SPTBN1: variants seen among roughly 807,000 people sequenced by gnomAD.
SPTBN1 encodes spectrin beta, non-erythrocytic 1, also known as spectrin beta chain, non-erythrocytic 1.
Under a neutral mutation model 266.4 loss-of-function variants are expected in SPTBN1, and 32 were observed. The ratio of observed to expected loss-of-function variants is 0.12; its 90% confidence interval spans 0.09 to 0.16. The LOEUF is 0.16. Among genes scored for constraint, SPTBN1 ranks in the 10% least tolerant of loss-of-function variants. The pLI is 1.00. For synonymous variants in SPTBN1, 1,336 were observed against 1,162.2 expected (o/e 1.15, Z -3.04); for missense variants, 2,296 against 3,067.1 (o/e 0.75, Z 5.94).
At chr2:54,501,722 G>T (rs72804692) in intron 1 of SPTBN1, among the ~76,000 whole-genome samples, 4,377 of 152,238 alleles carry the variant, frequency 0.029, 93 homozygotes, top group Non-Finnish European at 0.046. Flanking sequence ...ATGGGAGGTG[G>T]TACCTGGATG....
At chr2:54,647,669 A>C (rs918105894) in intron 24 of SPTBN1, among the ~76,000 whole-genome samples, 6 of 152,100 alleles carry the variant, frequency 3.9e-5, no homozygotes, top group Non-Finnish European at 8.8e-5. Context: ...GCGAAACCTC[A>C]TCTCTACAAA....
At chr2:54,518,545 C>CA (rs1670249787) in intron 1 of SPTBN1, among the ~76,000 whole-genome samples, 1 of 151,748 alleles carries the variant, frequency 6.6e-6, no homozygotes, top group African/African-American at 2.4e-5. Context: ...TTCTCAGACA[C>CA]ACGATTTGCA....
intron 17 of SPTBN1, among the ~76,000 whole-genome samples, chr2:54,636,372 G>T (rs1017268611): frequency 6.6e-6 from 1 of 152,072 alleles, no homozygotes; most frequent in Non-Finnish European, 1.5e-5. Context: ...AATTATATAT[G>T]ATGTTATAAC....
At chr2:54,632,032 G>A (rs1456776800) in intron 16 of SPTBN1, among the ~76,000 whole-genome samples, 2 of 149,384 alleles carry the variant, frequency 1.3e-5, no homozygotes, top group African/African-American at 5.0e-5. Flanking sequence ...AGCCGTGATC[G>A]TGCCACTGCA....
intron 2 of SPTBN1, chr2:54,528,411 T>C (rs1207227524): frequency 1.3e-5 from 2 of 152,666 alleles, no homozygotes; most frequent in Admixed American, 1.3e-4. Flanking sequence ...TCATTTGTCT[T>C]AACCTTTCTA....
chr2:54,608,698 G>A (rs555119060), intron 3 of SPTBN1, among the ~76,000 whole-genome samples: 20 of 151,328 alleles, frequency 1.3e-4, no homozygotes, highest in South Asian at 2.1e-4. Flanking sequence ...GTGCATGCGC[G>A]CACGAGTGCG....
chr2:54,529,181 TG>T (rs1671037722), intron 2 of SPTBN1, among the ~76,000 whole-genome samples: 2 of 152,178 alleles, frequency 1.3e-5, no homozygotes, highest in Non-Finnish European at 2.9e-5. Flanking sequence ...TGCCCTGGCT[TG>T]GGGATCACAT....
intron 16 of SPTBN1, 26 bp downstream of exon 16, chr2:54,631,637 C>A: frequency 6.3e-7 from 1 of 1,591,494 alleles, no homozygotes; most frequent in Non-Finnish European, 8.6e-7. Flanking sequence ...GCCTTTGCTT[C>A]CTTTCGGTGA....
chr2:54,615,797 A>G (rs1231690282), intron 4 of SPTBN1, among the ~76,000 whole-genome samples: 2 of 152,242 alleles, frequency 1.3e-5, no homozygotes, highest in Admixed American at 1.3e-4. Flanking sequence ...AATGGTGCAC[A>G]CAGTGCCCTC....
Position 54,626,025 on chromosome 2 carries a change from C to G in SPTBN1, c.1435C>G (p.Gln479Glu). 6.2e-7 allele frequency: 1 copy of G among 1,614,172 alleles called. No homozygotes were observed. Among genetic ancestry groups the G allele is most frequent in the Non-Finnish European group, 8.5e-7 (1 of 1,180,034 alleles). Residue 479 changes from glutamine to glutamate, a missense_variant, in exon 12 of 36, where the codon CAG becomes GAG. By Grantham distance (29) the Gln-to-Glu change is conservative. Transcript: ENST00000356805. This position sits in a 1 kb window ranked among gnomAD's most constrained non-coding sequence, Gnocchi z 4.7. ...CATTGCCGCATACGAGGAGCGTGTG[C>G]AGGCTGTGGTAGCCGTGGCCAGGGA... ...TDIAAYEERV[Q>E]AVVAVARELE...
chr2:54,557,021 A>T (rs1416778718), intron 2 of SPTBN1, among the ~76,000 whole-genome samples: 1 of 152,198 alleles, frequency 6.6e-6, no homozygotes, highest in Non-Finnish European at 1.5e-5. Flanking sequence ...TAGGGGCTTT[A>T]AAAAATGTTC....
At chr2:54,591,536 T>A (rs1468806424) in intron 2 of SPTBN1, among the ~76,000 whole-genome samples, 1 of 152,202 alleles carries the variant, frequency 6.6e-6, no homozygotes. Flanking sequence ...AAAGAAAGAT[T>A]CCTTCTCTTA....
chr2:54,579,951 A>G (rs4440005), intron 2 of SPTBN1, among the ~76,000 whole-genome samples: 5,926 of 152,334 alleles, frequency 0.039, 153 homozygotes, highest in Admixed American at 0.087. Flanking sequence ...TTCTGAGGGT[A>G]AAAGCTGCTG....
intron 2 of SPTBN1, 117 bp from the exon 3 acceptor site, chr2:54,598,975 C>T: frequency 8.9e-7 from 1 of 1,119,368 alleles, no homozygotes; most frequent in South Asian, 1.5e-5. Context: ...GTAGAGGTGT[C>T]CTTGGAGGTC....
chr2:54,563,744 C>T (rs924564168), intron 2 of SPTBN1, among the ~76,000 whole-genome samples: 1 of 151,760 alleles, frequency 6.6e-6, no homozygotes, highest in African/African-American at 2.4e-5. Flanking sequence ...GCTGGGATTA[C>T]AGCCACCTGC....
At chr2:54,479,552 C>T (rs191453972) in intron 1 of SPTBN1, among the ~76,000 whole-genome samples, 183 of 152,180 alleles carry the variant, frequency 1.2e-3, no homozygotes, top group African/African-American at 4.3e-3. Flanking sequence ...AATAGTTGTA[C>T]CAGTACAGCA....
intron 2 of SPTBN1, among the ~76,000 whole-genome samples, chr2:54,583,284 G>A (rs1328100906): frequency 2.0e-5 from 3 of 152,108 alleles, no homozygotes; most frequent in African/African-American, 7.2e-5. Context: ...TGTTAATAAG[G>A]CTGGTGTCAG....
At chr2:54,503,905 A>G (rs1424816457) in intron 1 of SPTBN1, among the ~76,000 whole-genome samples, 3 of 152,200 alleles carry the variant, frequency 2.0e-5, no homozygotes, top group Admixed American at 6.5e-5. Context: ...ATTTCCAGGA[A>G]CTGCATTAAA....
intron 1 of SPTBN1, among the ~76,000 whole-genome samples, chr2:54,476,184 T>A (rs1667820097): frequency 6.6e-6 from 1 of 152,118 alleles, no homozygotes; most frequent in African/African-American, 2.4e-5. Flanking sequence ...GGCAGGGTGC[T>A]CTGTGCCATC....
Sources: allele counts gnomAD v4.1 joint callset (sites outside exome capture counted in the v4.1 genomes callset), GRCh38; gene constraint gnomAD v4.1.1; non-coding constraint Gnocchi (gnomAD v3.1); transcripts MANE v1.5; gene names NCBI Gene and HGNC (gene_info 2026-07-23, HGNC 2026-07-21).